Variants in ELP1 observed in about 807,000 individuals in gnomAD.
ELP1 encodes the protein elongator complex protein 1.
In ELP1, 131 loss-of-function variants were observed where a neutral mutation model predicts 183.2. The observed-to-expected ratio is 0.72, with a 90% confidence interval of 0.62 to 0.83. The LOEUF (loss-of-function observed/expected upper bound fraction) is 0.83, where lower values mean the gene tolerates loss of function less well. Ranked by LOEUF, ELP1 falls within the 40% of genes least tolerant of loss-of-function variation. The pLI is 0.00. For missense variants in ELP1, 1,550 were observed against 1,594.9 expected, an observed-to-expected ratio of 0.97 and a Z score of 0.48; for synonymous variants, 555 against 569.0, an observed-to-expected ratio of 0.98 and a Z score of 0.35.
intron 12 of ELP1, among the ~76,000 whole-genome samples, chr9:108,909,172 CT>C (rs1829120968): frequency 6.6e-6 from 1 of 152,076 alleles, no homozygotes; most frequent in East Asian, 1.9e-4. Context: ...CACCTTCCCC[CT>C]GTAAACCCTT....
chr9:108,915,755 C>T (rs781750015), intron 10 of ELP1, among the ~76,000 whole-genome samples: 2 of 148,716 alleles, frequency 1.3e-5, no homozygotes, highest in Non-Finnish European at 1.5e-5. Context: ...CATTTATATT[C>T]GTATTTTTTT....
intron 5 of ELP1, among the ~76,000 whole-genome samples, 181 bp downstream of exon 5, chr9:108,926,342 G>C (rs1173898332): frequency 6.6e-6 from 1 of 152,144 alleles, no homozygotes; most frequent in Non-Finnish European, 1.5e-5. Flanking sequence ...ACCTGGAGAG[G>C]CATCAGTAGG....
intron 28 of ELP1, 50 bp from the exon 29 acceptor site, chr9:108,889,443 A>T (rs1828242300): frequency 6.6e-7 from 1 of 1,507,522 alleles, no homozygotes; most frequent in African/African-American, 1.4e-5. Context: ...CAGATACTTT[A>T]GCTCAAGTGC....
intron 20 of ELP1, among the ~76,000 whole-genome samples, chr9:108,899,398 T>G (rs1046070534): frequency 6.6e-6 from 1 of 152,172 alleles, no homozygotes; most frequent in Admixed American, 6.5e-5. Flanking sequence ...CCAAATAGGT[T>G]CAGAAAATCA....
chr9:108,901,579 C>A (rs116892201), intron 17 of ELP1, 49 bp from the exon 18 acceptor site: 25 of 1,609,120 alleles, frequency 1.6e-5, no homozygotes, highest in Non-Finnish European at 2.0e-5. Context: ...CTAGATTACT[C>A]GGAGCTAACA....
intron 28 of ELP1, among the ~76,000 whole-genome samples, chr9:108,890,925 T>C (rs1828305600): frequency 6.6e-6 from 1 of 152,180 alleles, no homozygotes; most frequent in African/African-American, 2.4e-5. Flanking sequence ...ATAACCCAGC[T>C]ACAACCATCT....
At position 108,911,067 on chromosome 9, in the gene ELP1, T is replaced by C; in HGVS notation, c.1303A>G (p.Lys435Glu). 6 of 1,614,090 alleles carry C rather than the reference T, an allele frequency of 3.7e-6. No individual in the cohort carries two copies. The highest frequency in any genetic ancestry group is 5.1e-6 in the Non-Finnish European group (6 of 1,179,968). Residue 435 changes from lysine to glutamate, a missense_variant, in exon 12 of 37, where the codon AAG becomes GAG. Physicochemically the swap from Lys to Glu is moderately conservative, Grantham distance 56 (BLOSUM62 1). Coordinates refer to ENST00000374647, the MANE Select transcript of ELP1 (RefSeq NM_003640.5). ...TCTAGAACAGCAAGGTCATTACTCT[T>C]TTGAGGGTGTGCTAAGAATGTGACT... ...NQVTFLAHPQ[K>E]SNDLAVLDAS... is the part of the protein sequence containing the mutation.
chr9:108,898,032 A>G (rs1390416965), intron 22 of ELP1, among the ~76,000 whole-genome samples: 1 of 152,250 alleles, frequency 6.6e-6, no homozygotes, highest in Non-Finnish European at 1.5e-5. Flanking sequence ...CAATTTGTCT[A>G]CAAACAAGAT....
intron 29 of ELP1, among the ~76,000 whole-genome samples, chr9:108,882,411 G>A (rs1827964930): frequency 1.3e-5 from 2 of 152,036 alleles, no homozygotes; most frequent in African/African-American, 2.4e-5. Flanking sequence ...CACAAGGTAA[G>A]CATCATCTCT....
chr9:108,913,048 CCG>C (rs1829291804), intron 10 of ELP1, among the ~76,000 whole-genome samples: 3 of 152,092 alleles, frequency 2.0e-5, no homozygotes, highest in Admixed American at 6.5e-5. Flanking sequence ...GCCTGAGCCA[CCG>C]TGCCTGGCCC....
chr9:108,917,304 C>T (rs574593109), intron 9 of ELP1, among the ~76,000 whole-genome samples: 1 of 152,176 alleles, frequency 6.6e-6, no homozygotes, highest in East Asian at 1.9e-4. Context: ...CCCGTCTCTA[C>T]TAAAAATACA....
chr9:108,882,216 A>G (rs1827957057), intron 29 of ELP1, 29 bp from the exon 30 acceptor site: 3 of 1,599,170 alleles, frequency 1.9e-6, no homozygotes, highest in Admixed American at 1.7e-5. Flanking sequence ...GAAGACAACA[A>G]GTGAAGAGAG....
At chr9:108,886,533 A>G (rs919924413) in intron 29 of ELP1, among the ~76,000 whole-genome samples, 2 of 152,196 alleles carry the variant, frequency 1.3e-5, no homozygotes, top group Admixed American at 6.5e-5. Context: ...TAGAAAATCA[A>G]TCACCTAGTC....
At chr9:108,893,638 AGAAG>A (rs1191191718) in intron 26 of ELP1, among the ~76,000 whole-genome samples, 1 of 152,228 alleles carries the variant, frequency 6.6e-6, no homozygotes, top group East Asian at 1.9e-4. Context: ...AAACAGCATG[AGAAG>A]GAAGAACTGA....
chr9:108,916,922 A>C (rs1254986902), intron 9 of ELP1, among the ~76,000 whole-genome samples: 2 of 152,228 alleles, frequency 1.3e-5, no homozygotes, highest in East Asian at 1.9e-4. Flanking sequence ...TATACAAACC[A>C]CTTAAGATTT....
intron 20 of ELP1, 59 bp from the exon 21 acceptor site, chr9:108,898,808 C>T (rs1435467530): frequency 8.8e-7 from 1 of 1,141,142 alleles, no homozygotes; most frequent in Non-Finnish European, 1.3e-6. Flanking sequence ...CTCCATGGGC[C>T]CAGCATATTT....
chr9:108,904,168 C>T (rs1036371971), intron 14 of ELP1, among the ~76,000 whole-genome samples: 2 of 152,008 alleles, frequency 1.3e-5, no homozygotes, highest in Non-Finnish European at 2.9e-5. Flanking sequence ...TGTGGATTTT[C>T]ACTAATGAGA....
At chr9:108,872,827 A>AAC (rs765904662) in intron 36 of ELP1, among the ~76,000 whole-genome samples, 3,550 of 107,856 alleles carry the variant, frequency 0.033, 93 homozygotes, top group Admixed American at 0.084. Context: ...AAAAAAAAAA[A>AAC]AAAAAAAAAA....
At chr9:108,870,967 C>A (rs941550454) in intron 36 of ELP1, among the ~76,000 whole-genome samples, 12 of 131,216 alleles carry the variant, frequency 9.1e-5, no homozygotes, top group South Asian at 7.1e-4. Context: ...CCTTCATGCA[C>A]CATTTTTTTT....
Sources: allele counts gnomAD v4.1 joint callset (sites outside exome capture counted in the v4.1 genomes callset), GRCh38; gene constraint gnomAD v4.1.1; transcripts MANE v1.5; gene names NCBI Gene and HGNC (gene_info 2026-07-23, HGNC 2026-07-21).